COPB1: variants seen among roughly 807,000 people sequenced by gnomAD.
The protein encoded by COPB1 is coatomer subunit beta.
COPB1 carries 21 observed loss-of-function variants against 108.7 expected under a neutral mutation model. That is an observed-to-expected ratio of 0.19 (90% confidence interval 0.14 to 0.28). COPB1 has a LOEUF of 0.28. Among genes scored for constraint, COPB1 ranks in the 10% least tolerant of loss-of-function variants. The pLI, the probability that COPB1 is intolerant of heterozygous loss-of-function variation, is 1.00. For synonymous variants in COPB1, 378 were observed against 386.8 expected (o/e 0.98, Z 0.27); for missense variants, 919 against 1,141.3 (o/e 0.81, Z 2.81).
At chr11:14,472,334 A>G (rs1850426647) in intron 14 of COPB1, among the ~76,000 whole-genome samples, 1 of 152,260 alleles carries the variant, frequency 6.6e-6, no homozygotes, top group Non-Finnish European at 1.5e-5. Flanking sequence ...TCTGAGCAGT[A>G]GGTCTCAATG....
chr11:14,465,062 TACACACACACACACACACACAC>T lies in COPB1; in HGVS notation c.2291-54_2291-33del, dbSNP rs3835110. 5.9e-3 allele frequency: 6,542 copies of T among 1,113,576 alleles called. 16 individuals carry two copies. Among genetic ancestry groups the T allele is most frequent in the Non-Finnish European group, 7.0e-3 (5,749 of 819,620 alleles). The allele number at this position is 1,113,576 out of a possible 1,614,324, so 69.0% of individuals were successfully genotyped here. On this transcript the variant is annotated intron_variant, in intron 17 of 21. Coordinates refer to ENST00000439561, the MANE Select transcript of COPB1 (RefSeq NM_001144061.2). ...GAAAGAGTTTGGATATGGTTAAAAA[TACACACACACACACACACACAC>T]ACACACACACACACACACACACACA...
chr11:14,461,106 TAATTTTATTAGCAGACTCCTC>T, intron 19 of COPB1, 59 bp downstream of exon 19: 2 of 1,553,668 alleles, frequency 1.3e-6, no homozygotes, highest in Admixed American at 3.6e-5. Context: ...TTAGCGAGAT[TAATTTTATTAGCAGACTCCTC>T]AACAGCAGGC....
intron 11 of COPB1, among the ~76,000 whole-genome samples, chr11:14,477,566 T>A (rs921750026): frequency 3.3e-5 from 5 of 149,686 alleles, no homozygotes; most frequent in African/African-American, 9.9e-5. Flanking sequence ...GTGATGCACA[T>A]CTGTAATCCC....
At position 14,459,467 on chromosome 11, in the gene COPB1, TTCTC is replaced by T. The variant is rs565600268; in HGVS notation, c.2646+737_2646+740del. Among the ~76,000 whole-genome samples, 770 of 152,310 alleles carry T rather than the reference TTCTC, an allele frequency of 5.1e-3. 3 individuals carry two copies. Among genetic ancestry groups the T allele is most frequent in the African/African-American group, 0.018 (735 of 41,578 alleles). ...CTTAGAGCTCCAGCTTCATTTTTCT[TTCTC>T]TCTCGTTTTTTTCATACATACACAA... On this transcript the variant is annotated intron_variant, in intron 20 of 21. Transcript: ENST00000439561.
rs1043434328 is a variant in COPB1 at position 14,457,699 on chromosome 11, T to C, written c.*125A>G. ...GATTTAAGGGAAAGGCTATAAATTA[T>C]TGGCTGAAAAGTATTCAGCATGAAC... On this transcript the variant is annotated 3_prime_UTR_variant, in exon 22 of 22. Coordinates refer to ENST00000439561, the MANE Select transcript of COPB1 (RefSeq NM_001144061.2). 1 of 707,176 alleles carries C rather than the reference T, an allele frequency of 1.4e-6. No individual in the cohort carries two copies. The highest frequency in any genetic ancestry group is 2.8e-4 in the Middle Eastern group (1 of 3,616). The allele number at this position is 707,176 out of a possible 1,614,324, so 43.8% of individuals were successfully genotyped here.
chr11:14,492,115 T>C (rs747697189), intron 4 of COPB1, among the ~76,000 whole-genome samples: 1 of 152,200 alleles, frequency 6.6e-6, no homozygotes, highest in South Asian at 2.1e-4. Context: ...GTAAATATAT[T>C]GGTAGGTTTC....
At chr11:14,492,514 TG>T (rs1850927940) in intron 4 of COPB1, among the ~76,000 whole-genome samples, 1 of 151,724 alleles carries the variant, frequency 6.6e-6, no homozygotes, top group Non-Finnish European at 1.5e-5. Flanking sequence ...CAGCTAATTT[TG>T]TATTTTTAGT....
At chr11:14,491,000 A>G (rs1850886873) in intron 4 of COPB1, among the ~76,000 whole-genome samples, 1 of 152,042 alleles carries the variant, frequency 6.6e-6, no homozygotes, top group African/African-American at 2.4e-5. Context: ...CATGTTGGCC[A>G]GGCTGGTCTT....
rs1220829617 is a variant in COPB1, at chr11:14,468,670, C to T, written c.2145+11G>A. On this transcript the variant is annotated intron_variant, in intron 16 of 21. Transcript: ENST00000439561. ...TTTAAATAATTTAGAGTCTATCAGACATTTTGTTACCTTGTTAAGTTTAGA... is the reference window on the plus strand; with the variant it reads ...TTTAAATAATTTAGAGTCTATCAGATATTTTGTTACCTTGTTAAGTTTAGA... 6.2e-7 allele frequency: 1 copy of T among 1,611,642 alleles called. No individual in the cohort carries two copies. The highest frequency in any genetic ancestry group is 1.7e-5 in the Admixed American group (1 of 59,794).
At chr11:14,486,533 C>A in intron 6 of COPB1, 29 bp from the exon 7 acceptor site, 2 of 1,605,752 alleles carry the variant, frequency 1.2e-6, no homozygotes, top group East Asian at 2.2e-5. Context: ...ACATTTCAAC[C>A]GATTTCAGGA....
rs1171994721 is a variant in COPB1 at position 14,480,781 on chromosome 11, A to C, written c.1190T>G (p.Met397Arg). Residue 397 changes from methionine to arginine, a missense_variant, in exon 10 of 22, where the codon ATG (methionine) becomes AGG (arginine). Met to Arg is a moderately conservative substitution (Grantham distance 91). Around this residue, in one of 5 missense-constraint regions of COPB1, gnomAD observed 705 missense variants for 817.8 expected, o/e 0.86. Transcript: ENST00000439561. ...TACCACAGGAATAACATTTGCAGCC[A>C]TATCTGGAAATCGGACAGAACAGGA... ...LHSCSVRFPD[M>R]AANVIPVLME... 1.2e-6 allele frequency: 2 copies of C among 1,613,852 alleles called. No individual in the cohort carries two copies. Among genetic ancestry groups the C allele is most frequent in the Non-Finnish European group, 1.7e-6 (2 of 1,179,914 alleles).
chr11:14,493,588 C>A, intron 4 of COPB1, 54 bp downstream of exon 4: 1 of 1,459,778 alleles, frequency 6.9e-7, no homozygotes, highest in South Asian at 1.6e-5. Flanking sequence ...AACCACTAGT[C>A]TAAAAGACTA....
chr11:14,477,321 C>T (rs183075168), intron 11 of COPB1, among the ~76,000 whole-genome samples: 3 of 136,348 alleles, frequency 2.2e-5, no homozygotes, highest in Middle Eastern at 4.5e-3. Flanking sequence ...TCTCGGGAAG[C>T]GGAGCTTGCA....
chr11:14,477,389 CAAA>C (rs61014253), intron 11 of COPB1, among the ~76,000 whole-genome samples: 3 of 73,308 alleles, frequency 4.1e-5, no homozygotes, highest in Non-Finnish European at 5.1e-5. Context: ...GACTCCGTCT[CAAA>C]AAAAAAAAAA....
In COPB1 at chr11:14,476,923, C is replaced by T. The variant is rs1850533106; in HGVS notation, c.1451G>A (p.Gly484Glu). The change falls in exon 12 of 22, where the codon GGA becomes GAA. Residue 484 changes from glycine (G) to glutamate (E), a missense_variant. Gly to Glu is a moderately conservative substitution (Grantham distance 98). Coordinates refer to ENST00000439561, the MANE Select transcript of COPB1 (RefSeq NM_001144061.2). ...SVMTEIRRSL[G>E]EIPIVESEIK... ...ATTTACTAAAGTAAAACATACCTCT[C>T]CAAGGGACCTGCGGATCTCAGTCAT... The T allele has an allele frequency of 6.2e-7, 1 of 1,600,558 alleles. No homozygotes were observed. The highest frequency in any genetic ancestry group is 8.6e-7 in the Non-Finnish European group (1 of 1,167,754).
chr11:14,484,445 C>A (rs1344336901), intron 7 of COPB1, among the ~76,000 whole-genome samples: 1 of 152,210 alleles, frequency 6.6e-6, no homozygotes, highest in Admixed American at 6.5e-5. Flanking sequence ...CCTCATCGGG[C>A]ATGGTGGCTC....
Position 14,468,830 on chromosome 11 carries a change from G to T in COPB1, c.1996C>A (p.Gln666Lys), listed in dbSNP as rs1850340827. ...ATGAAGGAAATGGGGTCATCAGGCT[G>T]TACTGTCACATTCCTCTTTTCAGAT... is the stretch of plus-strand genomic sequence containing the variant. The part of the protein sequence containing the change: ...KESEKRNVTV[Q>K]PDDPISFMQL... The change falls in exon 16 of 22, where the codon CAG (glutamine) becomes AAG (lysine). Residue 666 changes from glutamine (Q) to lysine (K), a missense_variant. This residue lies in a region of COPB1 where 705 missense variants were observed against 817.8 expected (regional missense o/e 0.86). Coordinates refer to ENST00000439561, the MANE Select transcript of COPB1 (RefSeq NM_001144061.2). The T allele has an allele frequency of 9.9e-6, 16 of 1,613,808 alleles. No individual in the cohort carries two copies. The highest frequency in any genetic ancestry group is 1.0e-5 in the Non-Finnish European group (12 of 1,179,808).
Position 14,481,024 on chromosome 11 carries a change from G to A in COPB1, c.1031C>T (p.Ala344Val), listed in dbSNP as rs1419001709. ...ATTTCTAGAAGAGACAAGATCCAGTGCTAACTGCAGAGTTTTCTTTCGTAC... is the reference window on the plus strand; with the variant it reads ...ATTTCTAGAAGAGACAAGATCCAGTACTAACTGCAGAGTTTTCTTTCGTAC... The part of the protein sequence containing the change: ...LEVRKKTLQL[A>V]LDLVSSRNVE... Residue 344 changes from alanine to valine, a missense_variant, in exon 9 of 22, where the codon GCA (alanine) becomes GTA (valine). Ala to Val is a moderately conservative substitution (Grantham distance 64). Transcript: ENST00000439561. 2 of 1,613,960 alleles carry A rather than the reference G, an allele frequency of 1.2e-6. No homozygotes were observed. The highest frequency in any genetic ancestry group is 2.2e-5 in the East Asian group (1 of 44,848).
rs2134108111 is a variant in COPB1 at position 14,475,903 on chromosome 11, A to G, written c.1498T>C (p.Leu500=). The change falls in exon 13 of 22, where the codon TTA becomes CTA. Residue 500 remains leucine, a synonymous_variant. Transcript: ENST00000439561. ...ESEIKKEAGE[L]KPEEEITVGP... is the part of the protein sequence containing the mutation. Reference sequence around the variant, plus strand: ...ACAGTTATTTCTTCTTCAGGTTTTAATTCACCAGCTTCTTTCTTTATTTCT... The same window carrying G: ...ACAGTTATTTCTTCTTCAGGTTTTAGTTCACCAGCTTCTTTCTTTATTTCT... 4 of 1,612,414 alleles carry G rather than the reference A, an allele frequency of 2.5e-6. 1 individual carries two copies. In the East Asian group the frequency reaches 8.9e-5, roughly 36 times the overall value.
Sources: gnomAD v4.1 joint callset for allele counts (sites outside exome capture counted in the v4.1 genomes callset) on GRCh38, gnomAD v4.1.1 for gene constraint, gnomAD v4.1.1 regional missense constraint, MANE v1.5 for transcripts, NCBI Gene and HGNC (gene_info 2026-07-23, HGNC 2026-07-21) for gene names.